Variants in CEP85L observed in about 807,000 individuals in gnomAD.
The protein encoded by CEP85L is centrosomal protein of 85 kDa-like.
Under a neutral mutation model 100.3 loss-of-function variants are expected in CEP85L, and 60 were observed. The observed-to-expected ratio is 0.60, with a 90% CI of 0.49 to 0.74. CEP85L has a LOEUF of 0.74. Ranked by LOEUF, CEP85L falls within the 30% of genes least tolerant of loss-of-function variation. The pLI is 0.00. For missense variants in CEP85L, 973 were observed against 936.2 expected (o/e 1.04, Z -0.51); for synonymous variants, 319 against 322.7 (o/e 0.99, Z 0.12).
At chr6:118,632,347 A>G in intron 2 of CEP85L, 106 bp downstream of exon 2, 1 of 899,044 alleles carries the variant, frequency 1.1e-6, no homozygotes, top group East Asian at 2.6e-5. Context: ...AAATATTCAA[A>G]CACTATAATT....
rs1772317535 is a variant in CEP85L, at chr6:118,463,223, GATTAAA to G, written c.*2176_*2181del. 3 of 151,228 alleles carry G rather than the reference GATTAAA, an allele frequency of 2.0e-5. No individual in the cohort carries two copies. Among genetic ancestry groups the G allele is most frequent in the African/African-American group, 7.3e-5 (3 of 41,134 alleles). The allele number at this position is 151,228 out of a possible 1,614,324, so 9.4% of individuals were successfully genotyped here. A position where few individuals can be genotyped will look rare whatever the true frequency, so the allele number is the denominator to read the frequency against. The stretch of plus-strand genomic sequence containing the variant: ...AAAAAACAAAAACGTATCTATAGTA[GATTAAA>G]ACAAACTGTAACGTCTGCTTAAAAA... On this transcript the variant is annotated 3_prime_UTR_variant, in exon 13 of 13. Coordinates refer to ENST00000368491, the MANE Select transcript of CEP85L (RefSeq NM_001042475.3).
intron 5 of CEP85L, chr6:118,502,819 T>C (rs1219371242): frequency 1.6e-6 from 1 of 630,226 alleles, no homozygotes; most frequent in Non-Finnish European, 3.0e-6. Context: ...TGTATGGAGT[T>C]CAAAAAGCAA....
At chr6:118,486,323 C>T (rs1392130284) in intron 6 of CEP85L, among the ~76,000 whole-genome samples, 7 of 152,066 alleles carry the variant, frequency 4.6e-5, no homozygotes, top group Non-Finnish European at 1.0e-4. Context: ...TAATACAAGG[C>T]TAAGTTTTTC....
chr6:118,583,961 G>A (rs776426000), intron 2 of CEP85L, among the ~76,000 whole-genome samples: 11 of 152,174 alleles, frequency 7.2e-5, no homozygotes, highest in Non-Finnish European at 1.5e-4. Flanking sequence ...TCTGTACACC[G>A]TTACATCCTG....
chr6:118,472,454 T>TAATA (rs1428445989), intron 10 of CEP85L, among the ~76,000 whole-genome samples: 6 of 152,180 alleles, frequency 3.9e-5, no homozygotes, highest in African/African-American at 1.4e-4. Context: ...TGGTCTAGGA[T>TAATA]AATACTAGGT....
chr6:118,631,394 C>G (rs919812509), intron 2 of CEP85L, among the ~76,000 whole-genome samples: 3 of 152,154 alleles, frequency 2.0e-5, no homozygotes, highest in African/African-American at 7.2e-5. Flanking sequence ...TACAGTCACT[C>G]TAGAAAACTG....
At chr6:118,567,237 GTGTGTGTGTGTGTATATATATATATATA>G (rs777831402) in intron 2 of CEP85L, among the ~76,000 whole-genome samples, 905 of 86,838 alleles carry the variant, frequency 0.01, 5 homozygotes, top group Middle Eastern at 0.053. Context: ...GTGTGTGTGT[GTGTGTGTGTGTGTATATATATATATATA>G]TATATATATA....
intron 1 of CEP85L, among the ~76,000 whole-genome samples, chr6:118,666,852 A>C (rs938844533): frequency 6.6e-6 from 1 of 152,254 alleles, no homozygotes; most frequent in African/African-American, 2.4e-5. Flanking sequence ...GGAAACTCAA[A>C]ATTTCTAAAA....
chr6:118,629,329 C>G (rs927721947), intron 2 of CEP85L, among the ~76,000 whole-genome samples: 1 of 152,118 alleles, frequency 6.6e-6, no homozygotes. Flanking sequence ...CTAAACTCAA[C>G]AATAAGAAAA....
chr6:118,701,698 A>G (rs959312029), intron 1 of CEP85L, among the ~76,000 whole-genome samples: 3 of 152,174 alleles, frequency 2.0e-5, no homozygotes, highest in Admixed American at 6.5e-5. Flanking sequence ...TGATGGGATC[A>G]ATTATACCCC....
At chr6:118,569,341 C>CAAAAAAAAAAAAAA (rs56123225) in intron 2 of CEP85L, among the ~76,000 whole-genome samples, 22 of 68,216 alleles carry the variant, frequency 3.2e-4, no homozygotes, top group African/African-American at 4.7e-4. Flanking sequence ...GACTCTGTCT[C>CAAAAAAAAAAAAAA]AAAAAAAAAA....
rs1471554961 is a variant in CEP85L, at chr6:118,483,697, TC to T, written c.1590+8del. ...GTCATTTAAAGATAAGCATTTTATTTCATGTTACCTGTAGACTCTGACTCTG... is the reference window on the plus strand; with the variant it reads ...GTCATTTAAAGATAAGCATTTTATTTATGTTACCTGTAGACTCTGACTCTG... On this transcript the variant is annotated splice_region_variant and intron_variant, in intron 7 of 12. Transcript: ENST00000368491. 2 of 1,596,032 alleles carry T rather than the reference TC, an allele frequency of 1.3e-6. No individual in the cohort carries two copies. The highest frequency in any genetic ancestry group is 2.7e-5 in the African/African-American group (2 of 73,856).
intron 10 of CEP85L, among the ~76,000 whole-genome samples, chr6:118,476,769 C>T (rs983516683): frequency 6.6e-6 from 1 of 152,180 alleles, no homozygotes; most frequent in Non-Finnish European, 1.5e-5. Flanking sequence ...TGTCCTCTAA[C>T]GTATTATTCT....
chr6:118,483,308 A>C (rs1253057410), intron 7 of CEP85L, among the ~76,000 whole-genome samples: 1 of 151,592 alleles, frequency 6.6e-6, no homozygotes, highest in African/African-American at 2.4e-5. Context: ...AAAAATATAT[A>C]TATATAAAGG....
chr6:118,651,767 C>G, upstream of CEP85L: 5 of 986,462 alleles, frequency 5.1e-6, no homozygotes, highest in Non-Finnish European at 6.0e-6. Flanking sequence ...GGCGACTGGG[C>G]TGTCCCGCCC....
At chr6:118,612,766 A>G (rs1451129713) in intron 2 of CEP85L, among the ~76,000 whole-genome samples, 3 of 151,770 alleles carry the variant, frequency 2.0e-5, no homozygotes, top group Non-Finnish European at 4.4e-5. Context: ...CCCAAAGCAG[A>G]AAAAAAGGAA....
chr6:118,707,613 A>T (rs1021251157), intron 1 of CEP85L, among the ~76,000 whole-genome samples: 1 of 152,198 alleles, frequency 6.6e-6, no homozygotes, highest in Non-Finnish European at 1.5e-5. Flanking sequence ...TGCTAATGAG[A>T]TGCTTATGCA....
At chr6:118,549,943 G>A (rs1232372998) in intron 3 of CEP85L, among the ~76,000 whole-genome samples, 1 of 151,816 alleles carries the variant, frequency 6.6e-6, no homozygotes. Flanking sequence ...ATATAATGTG[G>A]TAGTACCATA....
intron 7 of CEP85L, among the ~76,000 whole-genome samples, chr6:118,482,834 A>G (rs1582882071): frequency 3.3e-5 from 5 of 152,002 alleles, no homozygotes; most frequent in Admixed American, 3.3e-4. Flanking sequence ...CTTATAAATT[A>G]ATGTAAAATA....
Sources: allele counts gnomAD v4.1 joint callset (sites outside exome capture counted in the v4.1 genomes callset), GRCh38; gene constraint gnomAD v4.1.1; transcripts MANE v1.5; gene names NCBI Gene and HGNC (gene_info 2026-07-23, HGNC 2026-07-21).